LHFPL3: variants seen among roughly 807,000 people sequenced by gnomAD.
LHFPL3 encodes LHFPL tetraspan subfamily member 3, also known as LHFPL tetraspan subfamily member 3 protein.
A neutral mutation model predicts 19.3 loss-of-function variants in LHFPL3; 5 were observed. The observed-to-expected ratio is 0.26, with a 90% CI of 0.14 to 0.54. The LOEUF (loss-of-function observed/expected upper bound fraction) is 0.54. LHFPL3 is among the 20% of genes least tolerant of loss of function. LHFPL3 has a pLI of 0.94. For missense variants in LHFPL3, 249 were observed against 307.4 expected, an observed-to-expected ratio of 0.81 and a Z score of 1.42; for synonymous variants, 133 against 126.2, an observed-to-expected ratio of 1.05 and a Z score of -0.36.
intron 1 of LHFPL3, among the ~76,000 whole-genome samples, chr7:104,403,158 A>G (rs1791348765): frequency 6.6e-6 from 1 of 152,232 alleles, no homozygotes; most frequent in East Asian, 1.9e-4. Flanking sequence ...ACAAACCTGC[A>G]CATTCACACA....
At chr7:104,869,468 C>T (rs1791790888) in intron 2 of LHFPL3, among the ~76,000 whole-genome samples, 2 of 152,118 alleles carry the variant, frequency 1.3e-5, no homozygotes, top group South Asian at 4.1e-4. Context: ...GACATTTATG[C>T]AGCCAAAAGA....
chr7:104,383,505 A>C (rs1790872305), intron 1 of LHFPL3, among the ~76,000 whole-genome samples: 1 of 152,218 alleles, frequency 6.6e-6, no homozygotes, highest in South Asian at 2.1e-4. Context: ...TTGCCCTGAG[A>C]TATTAGCATT....
chr7:104,540,815 A>G (rs1403899394), intron 1 of LHFPL3, among the ~76,000 whole-genome samples: 2 of 152,074 alleles, frequency 1.3e-5, no homozygotes, highest in African/African-American at 4.8e-5. Flanking sequence ...GCCCTGTTCA[A>G]TTTAATCACT....
In LHFPL3 at chr7:104,328,799, C is replaced by T. The variant is rs755481687; in HGVS notation, c.20C>T (p.Ala7Val). The change falls in exon 1 of 3, where the codon GCT becomes GTT. Residue 7 changes from alanine (A) to valine (V), a missense_variant. By Grantham distance (64) the Ala-to-Val change is moderately conservative. Coordinates refer to ENST00000424859, the MANE Select transcript of LHFPL3 (RefSeq NM_199000.3). The surrounding 1 kb of genome is among the most constrained non-coding windows in gnomAD (Gnocchi z 4.6). MPGAAAAAAAAAAAMLP... is the reference protein window; with the variant it reads MPGAAAVAAAAAAAMLP... ...GGGAGAATGCCCGGAGCCGCCGCCGCTGCCGCCGCCGCCGCCGCCGCGATG... is the reference window on the plus strand; with the variant it reads ...GGGAGAATGCCCGGAGCCGCCGCCGTTGCCGCCGCCGCCGCCGCCGCGATG... 2.8e-5 allele frequency: 45 copies of T among 1,603,446 alleles called. No individual in the cohort carries two copies. Among genetic ancestry groups the T allele is most frequent in the Non-Finnish European group, 3.7e-5 (44 of 1,174,810 alleles).
chr7:104,748,874 C>A (rs1312768717), intron 2 of LHFPL3, among the ~76,000 whole-genome samples: 9 of 152,224 alleles, frequency 5.9e-5, no homozygotes. Flanking sequence ...TGTGGAGGGG[C>A]AACCCACCCC....
At chr7:104,603,126 CTT>C (rs1562947516) in intron 1 of LHFPL3, among the ~76,000 whole-genome samples, 6 of 101,128 alleles carry the variant, frequency 5.9e-5, no homozygotes, top group South Asian at 3.2e-4. Flanking sequence ...TTCTTTCTTT[CTT>C]TCTTTTTTCC....
At chr7:104,593,343 G>T (rs572509025) in intron 1 of LHFPL3, among the ~76,000 whole-genome samples, 1 of 152,278 alleles carries the variant, frequency 6.6e-6, no homozygotes, top group African/African-American at 2.4e-5. Context: ...ATGTAGTTGA[G>T]TGGTTTTGAG....
intron 1 of LHFPL3, among the ~76,000 whole-genome samples, chr7:104,722,976 T>G (rs565372897): frequency 2.0e-5 from 3 of 152,208 alleles, no homozygotes; most frequent in Non-Finnish European, 4.4e-5. Flanking sequence ...CCAAATGGGA[T>G]AGTCAGACCA....
At chr7:104,862,741 C>T (rs1212324613) in intron 2 of LHFPL3, among the ~76,000 whole-genome samples, 1 of 152,178 alleles carries the variant, frequency 6.6e-6, no homozygotes, top group East Asian at 1.9e-4. Context: ...GGCCAGCTTT[C>T]CAAGGAGCTT....
intron 1 of LHFPL3, among the ~76,000 whole-genome samples, chr7:104,350,631 C>T (rs556749977): frequency 5.9e-5 from 9 of 152,286 alleles, no homozygotes; most frequent in African/African-American, 2.2e-4. Context: ...GTTCTGTGAC[C>T]TCACAAAGCT....
chr7:104,808,523 C>G (rs1032618565), intron 2 of LHFPL3, among the ~76,000 whole-genome samples: 2 of 151,972 alleles, frequency 1.3e-5, no homozygotes, highest in African/African-American at 4.8e-5. Flanking sequence ...CTTACTGACT[C>G]CAAAAGCAAT....
intron 1 of LHFPL3, among the ~76,000 whole-genome samples, chr7:104,600,872 G>A (rs1228169362): frequency 6.6e-6 from 1 of 152,130 alleles, no homozygotes; most frequent in African/African-American, 2.4e-5. Flanking sequence ...CAGCTAAGGG[G>A]TATTGACTGA....
At chr7:104,527,614 G>C (rs893221706) in intron 1 of LHFPL3, among the ~76,000 whole-genome samples, 1 of 152,140 alleles carries the variant, frequency 6.6e-6, no homozygotes. Flanking sequence ...TAAGTGGAAA[G>C]AAGAATATCG....
intron 2 of LHFPL3, among the ~76,000 whole-genome samples, chr7:104,740,068 C>T (rs1286222049): frequency 2.6e-5 from 4 of 152,092 alleles, no homozygotes; most frequent in Admixed American, 6.5e-5. Flanking sequence ...TCATGAGATC[C>T]GATGGTTTTA....
At chr7:104,554,707 A>G (rs1485068386) in intron 1 of LHFPL3, among the ~76,000 whole-genome samples, 4 of 151,996 alleles carry the variant, frequency 2.6e-5, no homozygotes, top group African/African-American at 9.7e-5. Context: ...AGATGATGAG[A>G]GGGGATTTAT....
chr7:104,524,682 G>A (rs1164645607), intron 1 of LHFPL3, among the ~76,000 whole-genome samples: 1 of 152,076 alleles, frequency 6.6e-6, no homozygotes, highest in Non-Finnish European at 1.5e-5. Flanking sequence ...ATTTAATTTT[G>A]GAGCACTAAT....
At chr7:104,590,368 G>T (rs1397231260) in intron 1 of LHFPL3, among the ~76,000 whole-genome samples, 2 of 152,182 alleles carry the variant, frequency 1.3e-5, no homozygotes, top group East Asian at 1.9e-4. Flanking sequence ...ATTTCATTAT[G>T]TACCCAGTAG....
At chr7:104,646,003 C>T (rs946853578) in intron 1 of LHFPL3, among the ~76,000 whole-genome samples, 13 of 152,126 alleles carry the variant, frequency 8.5e-5, no homozygotes, top group African/African-American at 2.9e-4. Flanking sequence ...CCTGGATAGG[C>T]TCCCCCATAG....
intron 1 of LHFPL3, among the ~76,000 whole-genome samples, chr7:104,342,664 G>C (rs1245083067): frequency 1.3e-5 from 2 of 152,128 alleles, no homozygotes; most frequent in Non-Finnish European, 2.9e-5. Flanking sequence ...TTTTCAAAAA[G>C]CACACTTCCC....
Sources: allele counts gnomAD v4.1 joint callset (sites outside exome capture counted in the v4.1 genomes callset), GRCh38; gene constraint gnomAD v4.1.1; non-coding constraint Gnocchi (gnomAD v3.1); transcripts MANE v1.5; gene names NCBI Gene and HGNC (gene_info 2026-07-23, HGNC 2026-07-21).